BMS1: variants seen among roughly 807,000 people sequenced by gnomAD.
BMS1 encodes ribosome biogenesis protein BMS1 homolog.
BMS1 carries 53 observed loss-of-function variants against 138.7 expected under a neutral mutation model. The ratio of observed to expected loss-of-function variants is 0.38; its 90% CI spans 0.31 to 0.48. The LOEUF (loss-of-function observed/expected upper bound fraction) is 0.48. BMS1 is among the 20% of genes least tolerant of loss of function. The pLI is 0.97. For synonymous variants in BMS1, 504 were observed against 539.9 expected (o/e 0.93, Z 0.92); for missense variants, 1,360 against 1,565.5 (o/e 0.87, Z 2.22).
Position 42,834,322 on chromosome 10 carries a change from ATGTT to A in BMS1, c.*3229_*3232del, listed in dbSNP as rs1240253430. 1 of 152,088 alleles carries A rather than the reference ATGTT, an allele frequency of 6.6e-6. No homozygotes were observed. Among genetic ancestry groups the A allele is most frequent in the Non-Finnish European group, 1.5e-5 (1 of 68,034 alleles). The allele number at this position is 152,088 out of a possible 1,614,324, so 9.4% of individuals were successfully genotyped here. ...GACATGCCCGCCATTTCAGAAATAA[ATGTT>A]TGAGCAAAGAGGAAAGCCACCGGGT... On this transcript the variant is annotated 3_prime_UTR_variant, in exon 23 of 23. Transcript: ENST00000374518.
At position 42,822,155 on chromosome 10, in the gene BMS1, A is replaced by G; in HGVS notation, c.3103A>G (p.Lys1035Glu). The change falls in exon 19 of 23, where the codon AAA (lysine) becomes GAA (glutamate). Residue 1035 changes from lysine to glutamate, a missense_variant. By Grantham distance (56) the Lys-to-Glu change is moderately conservative. Coordinates refer to ENST00000374518, the MANE Select transcript of BMS1 (RefSeq NM_014753.4). ...KKLKLTGFPY[K>E]IFKNTSFIKG... ...ATTAAAGCTAACTGGTTTTCCATATAAAATTTTCAAGAACACTTCATTTAT... is the reference window on the plus strand; with the variant it reads ...ATTAAAGCTAACTGGTTTTCCATATGAAATTTTCAAGAACACTTCATTTAT... 1.3e-6 allele frequency: 2 copies of G among 1,485,988 alleles called. No homozygotes were observed. Among genetic ancestry groups the G allele is most frequent in the Non-Finnish European group, 1.8e-6 (2 of 1,081,104 alleles). The allele number at this position is 1,485,988 out of a possible 1,614,324, so 92.1% of individuals were successfully genotyped here. A position where few individuals can be genotyped will look rare whatever the true frequency, so the allele number is the denominator to read the frequency against.
At chr10:42,812,923 C>A (rs571990586) in intron 13 of BMS1, among the ~76,000 whole-genome samples, 1 of 152,070 alleles carries the variant, frequency 6.6e-6, no homozygotes, top group Non-Finnish European at 1.5e-5. Flanking sequence ...TGCTGGGTGG[C>A]GGGGTAGGGG....
Position 42,833,743 on chromosome 10 carries a change from C to T in BMS1, c.*2647C>T, listed in dbSNP as rs889035002. 1 of 152,160 alleles carries T rather than the reference C, an allele frequency of 6.6e-6. No individual in the cohort carries two copies. Among genetic ancestry groups the T allele is most frequent in the African/African-American group, 2.4e-5 (1 of 41,440 alleles). The allele number at this position is 152,160 out of a possible 1,614,324, so 9.4% of individuals were successfully genotyped here. ...ATCCATCTCATAGGAAGACATATAT[C>T]AAAATAAGGACCAGACTGGAGAGTG... On this transcript the variant is annotated 3_prime_UTR_variant, in exon 23 of 23. Transcript: ENST00000374518.
chr10:42,819,044 G>A (rs1842429135), intron 15 of BMS1, among the ~76,000 whole-genome samples: 1 of 152,202 alleles, frequency 6.6e-6, no homozygotes, highest in Non-Finnish European at 1.5e-5. Context: ...TAGGAGAATG[G>A]GAGCAGAGGA....
intron 11 of BMS1, 73 bp downstream of exon 11, chr10:42,797,596 G>A (rs1457131762): frequency 1.4e-6 from 2 of 1,442,480 alleles, no homozygotes; most frequent in Admixed American, 1.8e-5. Flanking sequence ...TTGGTTGGAG[G>A]ATTCGGCTGG....
intron 4 of BMS1, among the ~76,000 whole-genome samples, 195 bp from the exon 5 acceptor site, chr10:42,790,128 C>T (rs1753048191): frequency 6.6e-6 from 1 of 152,198 alleles, no homozygotes; most frequent in South Asian, 2.1e-4. Context: ...TCTTCTGCAG[C>T]TACTTAGCTC....
At chr10:42,821,104 A>G (rs1211026532) in intron 18 of BMS1, 112 bp downstream of exon 18, 8 of 914,870 alleles carry the variant, frequency 8.7e-6, no homozygotes, top group Non-Finnish European at 1.4e-5. Flanking sequence ...TTATTAATAC[A>G]AAGTAAATTT....
chr10:42,823,848 A>G (rs1842570104), intron 21 of BMS1, 64 bp downstream of exon 21: 1 of 1,289,338 alleles, frequency 7.8e-7, no homozygotes, highest in African/African-American at 1.5e-5. Context: ...AGTCACACAG[A>G]CACTTTTCTA....
At position 42,784,620 on chromosome 10, in the gene BMS1, T is replaced by A. The variant is rs746305493; in HGVS notation, c.176+50T>A. On this transcript the variant is annotated intron_variant, in intron 2 of 22. Transcript: ENST00000374518. The stretch of plus-strand genomic sequence containing the variant: ...TTCTTCCATTGATTCTTTTTTTAAA[T>A]AGTAGGAGCCTCTCACAGGTGACAT... 7.2e-6 allele frequency: 10 copies of A among 1,389,428 alleles called. No homozygotes were observed. The East Asian group carries it at 2.3e-4, about 33-fold the overall frequency. The allele number at this position is 1,389,428 out of a possible 1,614,324, so 86.1% of individuals were successfully genotyped here.
At chr10:42,825,684 T>C (rs1445617954) in intron 21 of BMS1, among the ~76,000 whole-genome samples, 1 of 152,246 alleles carries the variant, frequency 6.6e-6, no homozygotes, top group Non-Finnish European at 1.5e-5. Flanking sequence ...CTCACACTTT[T>C]TTGTGGAATC....
rs1842835342 is a variant in BMS1 at position 42,833,699 on chromosome 10, G to A, written c.*2603G>A. On this transcript the variant is annotated 3_prime_UTR_variant, in exon 23 of 23. Transcript: ENST00000374518. ...GCATGTGGCTGTATGTATACACATA[G>A]TTTTTGCTGTGAGTTTGCATCCATC... The A allele has an allele frequency of 6.6e-6, 1 of 152,236 alleles. No individual in the cohort carries two copies. The highest frequency in any genetic ancestry group is 6.5e-5 in the Admixed American group (1 of 15,288). The allele number at this position is 152,236 out of a possible 1,614,324, so 9.4% of individuals were successfully genotyped here.
intron 15 of BMS1, among the ~76,000 whole-genome samples, chr10:42,818,476 GAA>G (rs964038521): frequency 2.6e-5 from 4 of 152,304 alleles, no homozygotes; most frequent in Middle Eastern, 3.4e-3. Flanking sequence ...GGAGATGAGA[GAA>G]AGAGTCAAAC....
At position 42,800,671 on chromosome 10, in the gene BMS1, C is replaced by G. The variant is rs192820890; in HGVS notation, c.2248-1466C>G. On this transcript the variant is annotated intron_variant, in intron 12 of 22. Transcript: ENST00000374518. ...CCTCCCGAGTAGCTGGTATTACAGG[C>G]GCCCACCACTAGGCCCAGCTAATTT... Among the ~76,000 whole-genome samples, 437 of 151,788 alleles carry G rather than the reference C, an allele frequency of 2.9e-3. 2 individuals are homozygous for G. The highest frequency in any genetic ancestry group is 4.9e-3 in the Non-Finnish European group (331 of 67,902).
At position 42,796,455 on chromosome 10, in the gene BMS1, T is replaced by G. The variant is rs768685941; in HGVS notation, c.1230-19T>G. ...TTAATGTACAAATTGAATTATTTTG[T>G]ATTTCCTTGGTAATACAGGCTAATG... On this transcript the variant is annotated intron_variant, in intron 9 of 22. Coordinates refer to ENST00000374518, the MANE Select transcript of BMS1 (RefSeq NM_014753.4). 2 of 1,591,416 alleles carry G rather than the reference T, an allele frequency of 1.3e-6. No individual in the cohort carries two copies. The highest frequency in any genetic ancestry group is 8.6e-7 in the Non-Finnish European group (1 of 1,165,994).
intron 19 of BMS1, among the ~76,000 whole-genome samples, chr10:42,822,569 C>T (rs1842531004): frequency 6.6e-6 from 1 of 152,148 alleles, no homozygotes; most frequent in Non-Finnish European, 1.5e-5. Flanking sequence ...AAAGCATTTG[C>T]AGACAACTTG....
Position 42,785,680 on chromosome 10 carries a change from A to G in BMS1, c.367+8A>G, listed in dbSNP as rs755522767. On this transcript the variant is annotated splice_region_variant and intron_variant, in intron 3 of 22. Transcript: ENST00000374518. The stretch of plus-strand genomic sequence containing the variant: ...CTGTGACGATTGTGTCAGGTAGGAG[A>G]TGCCACCACAGACACAGAGTTGGCG... The G allele has an allele frequency of 6.2e-7, 1 of 1,612,014 alleles. No homozygotes were observed. The highest frequency in any genetic ancestry group is 2.2e-5 in the East Asian group (1 of 44,828).
intron 12 of BMS1, among the ~76,000 whole-genome samples, chr10:42,799,104 C>G (rs2132324103): frequency 6.6e-6 from 1 of 152,252 alleles, no homozygotes; most frequent in Admixed American, 6.5e-5. Context: ...TAGACCTCTT[C>G]TCTTTCTCTC....
chr10:42,783,735 TCA>T (rs886261142), intron 1 of BMS1, among the ~76,000 whole-genome samples: 4 of 152,224 alleles, frequency 2.6e-5, no homozygotes, highest in African/African-American at 9.7e-5. Context: ...CAGTCCTATC[TCA>T]CACGTACAGC....
rs1244876239 is a variant in BMS1, at chr10:42,822,201, A to G, written c.3132+17A>G. The G allele has an allele frequency of 8.2e-7, 1 of 1,225,626 alleles. No homozygotes were observed. Among genetic ancestry groups the G allele is most frequent in the African/African-American group, 1.5e-5 (1 of 66,158 alleles). 75.9% of individuals were successfully genotyped at this position (1,225,626 alleles called of 1,614,324 possible). A position where few individuals can be genotyped will look rare whatever the true frequency, so the allele number is the denominator to read the frequency against. Reference sequence around the variant, plus strand: ...TTTATTAAGGTCTGTATATCTATATATTCTCATATTTATAAATGTCCATAT... The same window carrying G: ...TTTATTAAGGTCTGTATATCTATATGTTCTCATATTTATAAATGTCCATAT... On this transcript the variant is annotated intron_variant, in intron 19 of 22. Coordinates refer to ENST00000374518, the MANE Select transcript of BMS1 (RefSeq NM_014753.4).
Sources: allele counts gnomAD v4.1 joint callset (sites outside exome capture counted in the v4.1 genomes callset), GRCh38; gene constraint gnomAD v4.1.1; transcripts MANE v1.5; gene names NCBI Gene and HGNC (gene_info 2026-07-23, HGNC 2026-07-21).